The following ROR1 variants were observed in gnomAD, a reference collection of about 807,000 sequenced individuals.
The protein encoded by ROR1 is inactive tyrosine-protein kinase transmembrane receptor ROR1.
In ROR1, 19 loss-of-function variants were observed where a neutral mutation model predicts 78.8. The ratio of observed to expected loss-of-function variants is 0.24; its 90% CI spans 0.17 to 0.35. ROR1 has a LOEUF of 0.35. Ranked by LOEUF, ROR1 falls within the 10% of genes least tolerant of loss-of-function variation. The probability of loss-of-function intolerance (pLI) is 1.00; values close to 1 mark genes in which losing one functional copy is unlikely to be tolerated. For missense variants in ROR1, 917 were observed against 1,177.8 expected (o/e 0.78, Z 3.24); for synonymous variants, 386 against 433.6 (o/e 0.89, Z 1.36).
chr1:64,051,455 T>TTA (rs1553154182), intron 4 of ROR1, among the ~76,000 whole-genome samples: 5 of 39,194 alleles, frequency 1.3e-4, no homozygotes, highest in African/African-American at 2.6e-4. Context: ...GTCTCAAAAA[T>TTA]AAAAAATAAA....
chr1:64,004,565 C>T (rs2100537171), intron 1 of ROR1, among the ~76,000 whole-genome samples: 1 of 152,316 alleles, frequency 6.6e-6, no homozygotes, highest in South Asian at 2.1e-4. Context: ...GGGCTGGCCG[C>T]TGGTCTTGTG....
At chr1:64,098,861 C>G (rs971478628) in intron 4 of ROR1, among the ~76,000 whole-genome samples, 2 of 152,022 alleles carry the variant, frequency 1.3e-5, no homozygotes, top group African/African-American at 4.8e-5. Flanking sequence ...AATAGTTGCC[C>G]CAACAATGAT....
chr1:63,837,731 G>A (rs1645027206), intron 1 of ROR1, among the ~76,000 whole-genome samples: 1 of 152,158 alleles, frequency 6.6e-6, no homozygotes, highest in South Asian at 2.1e-4. Flanking sequence ...TGGAGTAGGA[G>A]GATCAGTTGA....
intron 1 of ROR1, among the ~76,000 whole-genome samples, chr1:63,932,735 A>G (rs1452695524): frequency 6.6e-6 from 1 of 152,206 alleles, no homozygotes; most frequent in East Asian, 1.9e-4. Flanking sequence ...TTAGCCAGTA[A>G]GTGACAGAGG....
chr1:64,086,613 T>A (rs915718178), intron 4 of ROR1, among the ~76,000 whole-genome samples: 2 of 152,202 alleles, frequency 1.3e-5, no homozygotes, highest in Non-Finnish European at 2.9e-5. Context: ...TACCTTTGAG[T>A]ATGGTGTGTT....
intron 1 of ROR1, among the ~76,000 whole-genome samples, chr1:63,823,664 G>T (rs1644936717): frequency 6.6e-6 from 1 of 152,018 alleles, no homozygotes; most frequent in Middle Eastern, 3.4e-3. Flanking sequence ...TGTTGCACAG[G>T]CTGGTCCTGA....
chr1:63,944,790 T>C (rs1200194525), intron 1 of ROR1, among the ~76,000 whole-genome samples: 2 of 152,236 alleles, frequency 1.3e-5, no homozygotes, highest in African/African-American at 4.8e-5. Context: ...ACTGACATCA[T>C]GGATACATCC....
chr1:64,090,370 G>A (rs1647186015), intron 4 of ROR1, among the ~76,000 whole-genome samples: 7 of 152,154 alleles, frequency 4.6e-5, no homozygotes, highest in Admixed American at 2.6e-4. Context: ...ATGAACATTA[G>A]TTGATGCATT....
intron 4 of ROR1, among the ~76,000 whole-genome samples, chr1:64,072,272 A>C: frequency 6.6e-6 from 1 of 152,146 alleles, no homozygotes; most frequent in East Asian, 1.9e-4. Context: ...GAAGTTTGCT[A>C]TTACTAAGGG....
At chr1:63,888,804 C>A (rs1449066952) in intron 1 of ROR1, among the ~76,000 whole-genome samples, 1 of 151,874 alleles carries the variant, frequency 6.6e-6, no homozygotes, top group Non-Finnish European at 1.5e-5. Context: ...TAATATGTGC[C>A]AAGCATATGC....
intron 1 of ROR1, among the ~76,000 whole-genome samples, chr1:63,902,930 C>A (rs1478080448): frequency 6.6e-6 from 1 of 152,168 alleles, no homozygotes. Context: ...TTCTGCCTCA[C>A]GTCCATGTTC....
chr1:64,134,489 C>A (rs1190243612), intron 4 of ROR1, among the ~76,000 whole-genome samples: 1 of 152,108 alleles, frequency 6.6e-6, no homozygotes, highest in Non-Finnish European at 1.5e-5. Flanking sequence ...GAGTTTCTCT[C>A]TCGTAAAATA....
chr1:63,843,759 C>T (rs1210880155), intron 1 of ROR1: 5 of 408,258 alleles, frequency 1.2e-5, no homozygotes, highest in South Asian at 8.3e-5. Flanking sequence ...TGCTGGGACC[C>T]GACTGCACTC....
intron 1 of ROR1, among the ~76,000 whole-genome samples, chr1:63,823,747 C>G (rs1295883539): frequency 6.6e-6 from 1 of 152,018 alleles, no homozygotes; most frequent in African/African-American, 2.4e-5. Flanking sequence ...GCCCCCACAC[C>G]CAGTCAAAAT....
intron 4 of ROR1, among the ~76,000 whole-genome samples, chr1:64,061,052 TGTGA>T (rs1646913331): frequency 6.6e-6 from 1 of 152,224 alleles, no homozygotes; most frequent in African/African-American, 2.4e-5. Context: ...TTCACCAGGC[TGTGA>T]GTTTCTCAGT....
chr1:63,832,875 A>G (rs1354740810), intron 1 of ROR1, among the ~76,000 whole-genome samples: 1 of 152,236 alleles, frequency 6.6e-6, no homozygotes, highest in East Asian at 1.9e-4. Flanking sequence ...CCAGCTCCTC[A>G]GTTCACCAGG....
At chr1:64,078,939 AGG>A in intron 4 of ROR1, among the ~76,000 whole-genome samples, 1 of 152,320 alleles carries the variant, frequency 6.6e-6, no homozygotes, top group East Asian at 1.9e-4. Flanking sequence ...ATTTCGAGGA[AGG>A]AGTGTTCAAA....
At chr1:63,961,882 T>C (rs929511931) in intron 1 of ROR1, among the ~76,000 whole-genome samples, 1 of 152,212 alleles carries the variant, frequency 6.6e-6, no homozygotes, top group Admixed American at 6.5e-5. Flanking sequence ...ATGTTTAAGA[T>C]GATGGATATT....
chr1:63,866,126 C>T (rs1645213989), intron 1 of ROR1, among the ~76,000 whole-genome samples: 2 of 152,026 alleles, frequency 1.3e-5, no homozygotes, highest in Non-Finnish European at 2.9e-5. Flanking sequence ...GTGGTGCCCC[C>T]CCAGCACCAG....
Sources: gnomAD v4.1 joint callset for allele counts (sites outside exome capture counted in the v4.1 genomes callset) on GRCh38, gnomAD v4.1.1 for gene constraint, MANE v1.5 for transcripts, NCBI Gene and HGNC (gene_info 2026-07-23, HGNC 2026-07-21) for gene names.